THAP5: variants seen among roughly 807,000 people sequenced by gnomAD.
THAP5 encodes the protein THAP domain-containing protein 5.
In THAP5, 26 loss-of-function variants were observed where a neutral mutation model predicts 34.0. The ratio of observed to expected loss-of-function variants is 0.77; its 90% CI spans 0.56 to 1.06. The LOEUF (loss-of-function observed/expected upper bound fraction) is 1.06, where lower values mean the gene tolerates loss of function less well. Among genes scored for constraint, THAP5 ranks in the 50% least tolerant of loss-of-function variants. The pLI, the probability that THAP5 is intolerant of heterozygous loss-of-function variation, is 0.00. For missense variants in THAP5, 394 were observed against 452.8 expected (o/e 0.87, Z 1.18); for synonymous variants, 125 against 153.0 (o/e 0.82, Z 1.35).
In THAP5 at chr7:108,569,296, A is replaced by G. The variant is rs560457696; in HGVS notation, c.80+194T>C. 7.6e-6 allele frequency: 11 copies of G among 1,441,570 alleles called. No individual in the cohort carries two copies. The African/African-American group carries it at 1.4e-4, about 19-fold the overall frequency. 89.3% of individuals were successfully genotyped at this position (1,441,570 alleles called of 1,614,324 possible). On this transcript the variant is annotated intron_variant, in intron 1 of 2. Coordinates refer to ENST00000415914, the MANE Select transcript of THAP5 (RefSeq NM_001130475.3). ...AGGCTCCTGGGCCTCGCCACCAGCC[A>G]GCAGTCCTCGCGCAAGAAGGGCATT...
chr7:108,542,762 C>G, the THAP5 span, among the ~76,000 whole-genome samples: 16 of 152,222 alleles, frequency 1.1e-4, no homozygotes, highest in South Asian at 3.3e-3. Flanking sequence ...TGTGCCTGGC[C>G]AAGCATCTTC....
At chr7:108,543,518 C>T in the THAP5 span, among the ~76,000 whole-genome samples, 1 of 152,144 alleles carries the variant, frequency 6.6e-6, no homozygotes, top group Non-Finnish European at 1.5e-5. Flanking sequence ...TGATCATCTG[C>T]CATCACGATG....
At chr7:108,553,485 A>G (rs1316265198), downstream of THAP5, among the ~76,000 whole-genome samples, 1 of 152,152 alleles carries the variant, frequency 6.6e-6, no homozygotes, top group Non-Finnish European at 1.5e-5. Context: ...AGGAACCTTT[A>G]TTTGTACTTA....
Position 108,563,947 on chromosome 7 carries a change from C to T in THAP5, c.*244G>A, listed in dbSNP as rs1159339803. 3.0e-4 allele frequency: 98 copies of T among 332,194 alleles called. No homozygotes were observed. The highest frequency in any genetic ancestry group is 7.1e-5 in the Non-Finnish European group (13 of 182,904). 20.6% of individuals were successfully genotyped at this position (332,194 alleles called of 1,614,324 possible). On this transcript the variant is annotated 3_prime_UTR_variant, in exon 3 of 3. Transcript: ENST00000415914. ...TTGTTTTCTCATGTTATAACTGAATCCTTCTATGTGCTAAATTTTAATTTG... is the reference window on the plus strand; with the variant it reads ...TTGTTTTCTCATGTTATAACTGAATTCTTCTATGTGCTAAATTTTAATTTG...
the THAP5 span, among the ~76,000 whole-genome samples, chr7:108,542,014 T>C: frequency 4.6e-5 from 7 of 152,206 alleles, no homozygotes; most frequent in Non-Finnish European, 4.4e-5. Flanking sequence ...TTGCAGCACC[T>C]TGAACACAAA....
At chr7:108,544,009 T>C in the THAP5 span, among the ~76,000 whole-genome samples, 3 of 152,158 alleles carry the variant, frequency 2.0e-5, no homozygotes, top group Non-Finnish European at 4.4e-5. Flanking sequence ...ACAACTTAGA[T>C]GAAATGGATA....
the THAP5 span, among the ~76,000 whole-genome samples, chr7:108,544,518 A>G: frequency 6.6e-6 from 1 of 151,722 alleles, no homozygotes; most frequent in African/African-American, 2.4e-5. Context: ...GTGACAGAGC[A>G]AGACTCCATC....
chr7:108,569,708 T>G, upstream of THAP5: 1 of 1,126,468 alleles, frequency 8.9e-7, no homozygotes, highest in Non-Finnish European at 1.3e-6. Context: ...GCCTCGTCTG[T>G]CGACTCACTT....
chr7:108,564,471 A>C lies in THAP5; in HGVS notation c.908T>G (p.Ile303Ser), dbSNP rs757395217. The C allele has an allele frequency of 1.2e-6, 2 of 1,613,954 alleles. No individual in the cohort carries two copies. Among genetic ancestry groups the C allele is most frequent in the Non-Finnish European group, 8.5e-7 (1 of 1,179,930 alleles). ...KETTEMEDTD[I>S]EDSLYKDVDY... ...TACATCCTTATACAAGGAGTCTTCA[A>C]TGTCTGTGTCTTCCATTTCCGTGGT... The change falls in exon 3 of 3, where the codon ATT becomes AGT. Residue 303 changes from isoleucine to serine, a missense_variant. By Grantham distance (142) the Ile-to-Ser change is moderately radical. Transcript: ENST00000415914.
At chr7:108,560,986 G>A (rs1864424800), downstream of THAP5, among the ~76,000 whole-genome samples, 1 of 152,066 alleles carries the variant, frequency 6.6e-6, no homozygotes. Context: ...CTCCTGCTTT[G>A]GGCCCCCAGA....
chr7:108,551,534 C>T (rs185265902), downstream of THAP5, among the ~76,000 whole-genome samples: 2 of 152,294 alleles, frequency 1.3e-5, no homozygotes, highest in East Asian at 1.9e-4. Context: ...AATTACCCAG[C>T]GTCAGGCATT....
chr7:108,549,502 T>G, the THAP5 span, among the ~76,000 whole-genome samples: 1 of 152,154 alleles, frequency 6.6e-6, no homozygotes, highest in African/African-American at 2.4e-5. Context: ...TTTAATTACC[T>G]TGTCATTCTA....
chr7:108,566,066 A>G (rs769798953), intron 1 of THAP5, 44 bp from the exon 2 acceptor site: 11 of 1,471,520 alleles, frequency 7.5e-6, no homozygotes, highest in African/African-American at 7.2e-5. Flanking sequence ...AAACTTTGCT[A>G]TATTTTTACA....
At chr7:108,567,261 A>G (rs892295648) in intron 1 of THAP5, among the ~76,000 whole-genome samples, 1 of 152,218 alleles carries the variant, frequency 6.6e-6, no homozygotes, top group East Asian at 1.9e-4. Flanking sequence ...ATTAGGTTGT[A>G]AGTATGACAA....
rs1790438690 is a variant in THAP5 at position 108,564,504 on chromosome 7, T to G, written c.875A>C (p.Gln292Pro). Residue 292 changes from glutamine to proline, a missense_variant, in exon 3 of 3, where the codon CAA becomes CCA. Gln to Pro is a moderately conservative substitution (Grantham distance 76, BLOSUM62 -1). Coordinates refer to ENST00000415914, the MANE Select transcript of THAP5 (RefSeq NM_001130475.3). Reference sequence around the variant, plus strand: ...GTCTTCCATTTCCGTGGTTTCTTTTTGTGCAGATATAAAAGAATTAACTGA... The same window carrying G: ...GTCTTCCATTTCCGTGGTTTCTTTTGGTGCAGATATAAAAGAATTAACTGA... Reference protein sequence around the residue: ...KPSVNSFISAQKETTEMEDTD... With the variant: ...KPSVNSFISAPKETTEMEDTD... 1 of 1,613,862 alleles carries G rather than the reference T, an allele frequency of 6.2e-7. No individual in the cohort carries two copies. Among genetic ancestry groups the G allele is most frequent in the Admixed American group, 1.7e-5 (1 of 59,994 alleles).
chr7:108,553,196 G>C (rs1327399304), downstream of THAP5, among the ~76,000 whole-genome samples: 1 of 151,944 alleles, frequency 6.6e-6, no homozygotes, highest in Non-Finnish European at 1.5e-5. Flanking sequence ...TGAGGCCCTC[G>C]ATGCTGCTCT....
chr7:108,547,366 A>G, the THAP5 span, among the ~76,000 whole-genome samples: 1 of 152,202 alleles, frequency 6.6e-6, no homozygotes, highest in Non-Finnish European at 1.5e-5. Flanking sequence ...TTCATTGTGC[A>G]TATTTAAACA....
chr7:108,568,930 G>A (rs182622271), intron 1 of THAP5, among the ~76,000 whole-genome samples: 178 of 152,278 alleles, frequency 1.2e-3, no homozygotes, highest in Middle Eastern at 3.4e-3. Context: ...TAGTAATTCA[G>A]AGTAACAGAA....
chr7:108,565,571 C>A (rs40946), intron 2 of THAP5: 64,392 of 242,560 alleles, frequency 0.27, 8,876 homozygotes, highest in Non-Finnish European at 0.3. Context: ...TTGTCTCAAA[C>A]AAAAAAAGTA....
Sources: allele counts gnomAD v4.1 joint callset (sites outside exome capture counted in the v4.1 genomes callset), GRCh38; gene constraint gnomAD v4.1.1; transcripts MANE v1.5; gene names NCBI Gene and HGNC (gene_info 2026-07-23, HGNC 2026-07-21).